The following SNX2 variants were observed in gnomAD, a reference collection of about 807,000 sequenced individuals.
The protein encoded by SNX2 is sorting nexin-2.
A neutral mutation model predicts 69.9 loss-of-function variants in SNX2; 25 were observed. The ratio of observed to expected loss-of-function variants is 0.36; its 90% CI spans 0.26 to 0.50. SNX2 has a LOEUF of 0.50. SNX2 is among the 20% of genes least tolerant of loss of function. The pLI, the probability that SNX2 is intolerant of heterozygous loss-of-function variation, is 0.97. For missense variants in SNX2, 551 were observed against 613.3 expected (o/e 0.90, Z 1.07); for synonymous variants, 229 against 200.4 (o/e 1.14, Z -1.20).
At chr5:122,803,354 A>C in intron 5 of SNX2, 118 bp from the exon 6 acceptor site, 1 of 895,900 alleles carries the variant, frequency 1.1e-6, no homozygotes, top group Non-Finnish European at 1.6e-6. Context: ...CATTAGTTAG[A>C]TACTCTGCAT....
rs187273674 is a variant in SNX2 at position 122,796,646 on chromosome 5, A to G, written c.226+1263A>G. On this transcript the variant is annotated intron_variant, in intron 2 of 14. Transcript: ENST00000379516. Reference sequence around the variant, plus strand: ...AAAAGATGACACAAGTTCTTTCTCTACTTAACAAGTACTAATCTAAAATTC... The same window carrying G: ...AAAAGATGACACAAGTTCTTTCTCTGCTTAACAAGTACTAATCTAAAATTC... Among the ~76,000 whole-genome samples, 107 of 152,308 alleles carry G rather than the reference A, an allele frequency of 7.0e-4. 3 individuals are homozygous for G. In the East Asian group the frequency reaches 0.019, roughly 27 times the overall value.
chr5:122,778,989 G>C (rs1047611427), intron 1 of SNX2, among the ~76,000 whole-genome samples: 1 of 152,172 alleles, frequency 6.6e-6, no homozygotes, highest in Non-Finnish European at 1.5e-5. Context: ...GAGAGGCAAG[G>C]CTTTAACTTG....
chr5:122,781,998 C>T (rs1034612358), intron 1 of SNX2, among the ~76,000 whole-genome samples: 5 of 152,148 alleles, frequency 3.3e-5, no homozygotes, highest in African/African-American at 1.2e-4. Flanking sequence ...CGTGTCTTCG[C>T]AACTCTACCA....
chr5:122,818,931 A>G lies in SNX2; in HGVS notation c.1120A>G (p.Ile374Val), dbSNP rs113054882. The G allele has an allele frequency of 1.9e-6, 3 of 1,614,014 alleles. No homozygotes were observed. The highest frequency in any genetic ancestry group is 1.3e-5 in the African/African-American group (1 of 75,034). The change falls in exon 11 of 15, where the codon ATA (isoleucine) becomes GTA (valine). Residue 374 changes from isoleucine (I) to valine (V), a missense_variant. Around this residue, in one of 2 missense-constraint regions of SNX2, gnomAD observed 360 missense variants for 450.4 expected, o/e 0.80. Coordinates refer to ENST00000379516, the MANE Select transcript of SNX2 (RefSeq NM_003100.4). Reference protein sequence around the residue: ...LSQLAEVEEKIDQLHQEQAFA... With the variant: ...LSQLAEVEEKVDQLHQEQAFA... The stretch of plus-strand genomic sequence containing the variant: ...TCAGCTTGCAGAGGTTGAGGAGAAG[A>G]TAGACCAGTTACATCAAGAACAAGC...
intron 7 of SNX2, chr5:122,815,643 C>T (rs572616447): frequency 1.1e-5 from 3 of 262,920 alleles, no homozygotes; most frequent in African/African-American, 6.6e-5. Context: ...TTAACCTCTC[C>T]CCACTCCCAC....
Position 122,829,586 on chromosome 5 carries a change from T to C in SNX2, c.1510-12T>C. 1 of 1,603,682 alleles carries C rather than the reference T, an allele frequency of 6.2e-7. No individual in the cohort carries two copies. The highest frequency in any genetic ancestry group is 1.1e-5 in the South Asian group (1 of 90,852). ...TAATGAGAATAACTTATATTTTAAT[T>C]ATCATTCACAGCTGATAAAATACTG... On this transcript the variant is annotated splice_polypyrimidine_tract_variant and intron_variant, in intron 14 of 14. Transcript: ENST00000379516.
At chr5:122,797,255 A>C (rs187613710) in intron 2 of SNX2, among the ~76,000 whole-genome samples, 1 of 152,208 alleles carries the variant, frequency 6.6e-6, no homozygotes, top group Non-Finnish European at 1.5e-5. Flanking sequence ...GTTTTATTCT[A>C]CCTAGCAGTC....
chr5:122,783,103 A>ATTTT (rs200375716), intron 1 of SNX2, among the ~76,000 whole-genome samples: 1 of 144,184 alleles, frequency 6.9e-6, no homozygotes. Context: ...TGCCCAGCTA[A>ATTTT]TTTTTTTTTT....
chr5:122,813,449 T>C (rs938212504), intron 7 of SNX2, among the ~76,000 whole-genome samples: 1 of 152,118 alleles, frequency 6.6e-6, no homozygotes, highest in African/African-American at 2.4e-5. Context: ...TTTTTCAAAA[T>C]TGATTCTTCA....
At chr5:122,806,142 G>GCGCACACACACACA in intron 6 of SNX2, among the ~76,000 whole-genome samples, 2 of 130,582 alleles carry the variant, frequency 1.5e-5, no homozygotes, top group African/African-American at 2.9e-5. Context: ...ACACGCGCGC[G>GCGCACACACACACA]CACACACACA....
intron 11 of SNX2, among the ~76,000 whole-genome samples, chr5:122,821,841 CAAGT>C (rs1754033261): frequency 6.6e-6 from 1 of 152,050 alleles, no homozygotes; most frequent in Admixed American, 6.6e-5. Flanking sequence ...TTTAAAAAAT[CAAGT>C]GTTTTGATAA....
At chr5:122,798,838 C>T (rs1358476717) in intron 2 of SNX2, among the ~76,000 whole-genome samples, 1 of 152,146 alleles carries the variant, frequency 6.6e-6, no homozygotes, top group Non-Finnish European at 1.5e-5. Flanking sequence ...CAGCTCAACT[C>T]AAATTGTAGT....
chr5:122,780,431 A>G (rs1342950445), intron 1 of SNX2, among the ~76,000 whole-genome samples: 1 of 152,184 alleles, frequency 6.6e-6, no homozygotes, highest in Admixed American at 6.5e-5. Context: ...TGAGGCCCTG[A>G]AAGTGGTTGA....
chr5:122,826,680 A>G (rs1754157870), intron 12 of SNX2: 2 of 966,930 alleles, frequency 2.1e-6, no homozygotes, highest in Middle Eastern at 5.3e-4. Flanking sequence ...CTAAAAATAA[A>G]TGTACCTGCC....
chr5:122,786,203 A>T (rs989621968), intron 1 of SNX2, among the ~76,000 whole-genome samples: 2 of 152,092 alleles, frequency 1.3e-5, no homozygotes, highest in Non-Finnish European at 2.9e-5. Flanking sequence ...TGTCTGCATG[A>T]CATATCTTTT....
At chr5:122,802,765 A>G (rs1049651367) in intron 5 of SNX2, among the ~76,000 whole-genome samples, 2 of 152,248 alleles carry the variant, frequency 1.3e-5, no homozygotes, top group East Asian at 3.8e-4. Flanking sequence ...AGCTGTAAGC[A>G]GTAATACTTT....
At chr5:122,802,150 A>C (rs968434725) in intron 5 of SNX2, 26 bp downstream of exon 5, 2 of 1,598,642 alleles carry the variant, frequency 1.3e-6, no homozygotes, top group African/African-American at 2.7e-5. Context: ...TTTTAAAAAA[A>C]CTATCGAGCC....
chr5:122,799,736 A>G lies in SNX2; in HGVS notation c.271A>G (p.Ile91Val), dbSNP rs200448389. The change falls in exon 3 of 15, where the codon ATC (isoleucine) becomes GTC (valine). Residue 91 changes from isoleucine to valine, a missense_variant. By Grantham distance (29) the Ile-to-Val change is conservative. Transcript: ENST00000379516. Reference protein sequence around the residue: ...VSLDSPEREPILSSEPSPAVT... With the variant: ...VSLDSPEREPVLSSEPSPAVT... ...TTTGGACAGCCCTGAAAGGGAACCTATCCTATCCTCGGAACCTTCTCCTGC... is the reference window on the plus strand; with the variant it reads ...TTTGGACAGCCCTGAAAGGGAACCTGTCCTATCCTCGGAACCTTCTCCTGC... 1.1e-5 allele frequency: 17 copies of G among 1,613,862 alleles called. No individual in the cohort carries two copies. The Admixed American group carries it at 1.8e-4, about 17-fold the overall frequency.
At position 122,830,416 on chromosome 5, in the gene SNX2, C is replaced by T. The variant is rs980322702; in HGVS notation, c.*768C>T. ...ATTAGGAAAAAAATGTATTTATATA[C>T]TTTTACAAGTCCCATGGATTTTGTT... On this transcript the variant is annotated 3_prime_UTR_variant, in exon 15 of 15. Coordinates refer to ENST00000379516, the MANE Select transcript of SNX2 (RefSeq NM_003100.4). Among the ~76,000 whole-genome samples, 1 of 152,126 alleles carries T rather than the reference C, an allele frequency of 6.6e-6. No homozygotes were observed. The highest frequency in any genetic ancestry group is 6.5e-5 in the Admixed American group (1 of 15,268).
Sources: gnomAD v4.1 joint callset for allele counts (sites outside exome capture counted in the v4.1 genomes callset) on GRCh38, gnomAD v4.1.1 for gene constraint, gnomAD v4.1.1 regional missense constraint, MANE v1.5 for transcripts, NCBI Gene and HGNC (gene_info 2026-07-23, HGNC 2026-07-21) for gene names.